Variants in RTN4 observed in about 807,000 individuals in gnomAD.
The protein encoded by RTN4 is reticulon 4.
In RTN4, 32 loss-of-function variants were observed where a neutral mutation model predicts 90.4. The observed-to-expected ratio is 0.35, with a 90% confidence interval of 0.27 to 0.48. RTN4 has a LOEUF of 0.48. Among genes scored for constraint, RTN4 ranks in the 20% least tolerant of loss-of-function variants. The pLI, the probability that RTN4 is intolerant of heterozygous loss-of-function variation, is 0.99. For missense variants in RTN4, 1,706 were observed against 1,430.2 expected (o/e 1.19, Z -3.11); for synonymous variants, 629 against 552.5 (o/e 1.14, Z -1.94).
intron 1 of RTN4, among the ~76,000 whole-genome samples, chr2:55,029,980 G>A (rs1682186119): frequency 6.7e-6 from 1 of 149,926 alleles, no homozygotes; most frequent in East Asian, 1.9e-4. Context: ...TGAAATTTGA[G>A]GGTCAAAGAG....
intron 3 of RTN4, among the ~76,000 whole-genome samples, chr2:54,990,244 TTGTA>T (rs1250949302): frequency 1.3e-5 from 2 of 152,220 alleles, no homozygotes; most frequent in Non-Finnish European, 2.9e-5. Context: ...CAGTCAATAG[TTGTA>T]TGTATTTCAA....
intron 3 of RTN4, among the ~76,000 whole-genome samples, chr2:54,996,043 T>C (rs569632922): frequency 7.9e-5 from 12 of 152,288 alleles, no homozygotes; most frequent in African/African-American, 2.6e-4. Context: ...AATATCAATA[T>C]ACAAAAATTG....
intron 1 of RTN4, among the ~76,000 whole-genome samples, chr2:55,034,444 G>A (rs1044469896): frequency 6.6e-6 from 1 of 152,144 alleles, no homozygotes; most frequent in South Asian, 2.1e-4. Flanking sequence ...TGAGGCTGCA[G>A]TGGGTTATGA....
chr2:55,130,470 C>G, the RTN4 span, among the ~76,000 whole-genome samples: 1 of 152,104 alleles, frequency 6.6e-6, no homozygotes, highest in Non-Finnish European at 1.5e-5. Flanking sequence ...TCACATTGGG[C>G]TGGGTGTGGT....
the RTN4 span, among the ~76,000 whole-genome samples, chr2:55,120,220 C>G: frequency 1.3e-5 from 2 of 152,190 alleles, no homozygotes; most frequent in Non-Finnish European, 2.9e-5. Flanking sequence ...ATGCTGAGGC[C>G]GAAGGAAGCA....
intron 2 of RTN4, among the ~76,000 whole-genome samples, chr2:55,070,766 G>GTTGTTA (rs1297688342): frequency 6.6e-6 from 1 of 150,964 alleles, no homozygotes; most frequent in East Asian, 1.9e-4. Context: ...TGTTGTTGTT[G>GTTGTTA]TTGTTTGTTT....
chr2:55,121,272 G>T, the RTN4 span, among the ~76,000 whole-genome samples: 1 of 152,100 alleles, frequency 6.6e-6, no homozygotes, highest in Non-Finnish European at 1.5e-5. Context: ...CAGTTAAACT[G>T]GTAAAAAATC....
upstream of RTN4, among the ~76,000 whole-genome samples, chr2:55,114,022 A>G (rs953323892): frequency 6.6e-6 from 1 of 152,218 alleles, no homozygotes; most frequent in Non-Finnish European, 1.5e-5. Context: ...GGAAACCATG[A>G]ATTTTTCAAA....
At chr2:55,083,892 T>C (rs997756446) in intron 1 of RTN4, among the ~76,000 whole-genome samples, 1 of 152,224 alleles carries the variant, frequency 6.6e-6, no homozygotes, top group Non-Finnish European at 1.5e-5. Context: ...GGTGCATTCT[T>C]TGTTCTAATA....
At chr2:55,092,952 TA>T (rs1318564855) in intron 1 of RTN4, among the ~76,000 whole-genome samples, 2 of 152,284 alleles carry the variant, frequency 1.3e-5, no homozygotes, top group Non-Finnish European at 2.9e-5. Context: ...TGTTTGATTT[TA>T]AAAATTCACT....
intron 3 of RTN4, among the ~76,000 whole-genome samples, chr2:55,000,626 T>C (rs988443864): frequency 5.9e-5 from 9 of 152,284 alleles, no homozygotes; most frequent in Non-Finnish European, 1.3e-4. Flanking sequence ...GCATTACATA[T>C]GTGATGCAAA....
intron 6 of RTN4, chr2:54,974,122 A>G: frequency 4.9e-6 from 2 of 407,490 alleles, no homozygotes; most frequent in South Asian, 3.0e-5. Context: ...GATTTCATAA[A>G]ATAAAGGTAT....
chr2:55,041,262 G>C (rs1486438813), intron 1 of RTN4, among the ~76,000 whole-genome samples: 1 of 151,834 alleles, frequency 6.6e-6, no homozygotes. Context: ...TTAAATACAT[G>C]TTAATAAAAA....
chr2:55,045,804 C>T (rs1683381836), intron 1 of RTN4, among the ~76,000 whole-genome samples: 1 of 152,188 alleles, frequency 6.6e-6, no homozygotes, highest in South Asian at 2.1e-4. Flanking sequence ...TATTTTCGGT[C>T]TTAATTAACC....
At chr2:55,053,700 A>C (rs896553271), upstream of RTN4, among the ~76,000 whole-genome samples, 34 of 151,116 alleles carry the variant, frequency 2.2e-4, no homozygotes, top group South Asian at 1.7e-3. Flanking sequence ...AAAAAACAAA[A>C]AAAAAAAGAA....
At chr2:54,974,651 A>G in intron 6 of RTN4, 44 bp downstream of exon 6, 1 of 1,425,218 alleles carries the variant, frequency 7.0e-7, no homozygotes. Flanking sequence ...CCTGGCACAC[A>G]ATCTTTCCAG....
In RTN4 at chr2:55,002,364, T is replaced by C. The variant is rs190675021; in HGVS notation, c.3014-14666A>G. ...GTGAGCTACAAGGCCCAGCCAGTGGTCTTTTTTTCCTATATTTCAAGTAGA... is the reference window on the plus strand; with the variant it reads ...GTGAGCTACAAGGCCCAGCCAGTGGCCTTTTTTTCCTATATTTCAAGTAGA... On this transcript the variant is annotated intron_variant, in intron 3 of 8. Coordinates refer to ENST00000337526, the MANE Select transcript of RTN4 (RefSeq NM_020532.5). 9.1e-3 allele frequency among the ~76,000 whole-genome samples: 1,384 copies of C among 152,274 alleles called. 19 individuals carry two copies. Among genetic ancestry groups the C allele is most frequent in the African/African-American group, 0.032 (1,317 of 41,538 alleles).
intron 3 of RTN4, among the ~76,000 whole-genome samples, chr2:55,017,698 A>C (rs1203557546): frequency 6.6e-6 from 1 of 152,196 alleles, no homozygotes; most frequent in Non-Finnish European, 1.5e-5. Flanking sequence ...CTACCAACAT[A>C]AACAGATGAT....
chr2:55,068,266 T>C (rs913637358), intron 2 of RTN4, among the ~76,000 whole-genome samples: 1 of 152,190 alleles, frequency 6.6e-6, no homozygotes, highest in African/African-American at 2.4e-5. Context: ...TTAAAATCCA[T>C]TGGTCTGTCT....
Sources: gnomAD v4.1 joint callset for allele counts (sites outside exome capture counted in the v4.1 genomes callset) on GRCh38, gnomAD v4.1.1 for gene constraint, MANE v1.5 for transcripts, NCBI Gene and HGNC (gene_info 2026-07-23, HGNC 2026-07-21) for gene names.